The following LYG1 variants were observed in gnomAD, a reference collection of about 807,000 sequenced individuals.
LYG1 encodes lysozyme g1, also known as lysozyme g-like protein 1.
LYG1 carries 17 observed loss-of-function variants against 21.7 expected under a neutral mutation model. That is an observed-to-expected ratio of 0.78 (90% CI 0.54 to 1.18). The LOEUF (loss-of-function observed/expected upper bound fraction) is 1.18. LYG1 is among the 50% of genes most tolerant of loss of function. The probability of loss-of-function intolerance (pLI) is 0.00; values close to 1 mark genes in which losing one functional copy is unlikely to be tolerated. For missense variants in LYG1, 211 were observed against 238.1 expected (o/e 0.89, Z 0.75); for synonymous variants, 81 against 87.4 (o/e 0.93, Z 0.41).
intron 5 of LYG1, among the ~76,000 whole-genome samples, chr2:99,288,808 G>A (rs796538267): frequency 3.9e-5 from 6 of 152,160 alleles, no homozygotes; most frequent in African/African-American, 1.4e-4. Flanking sequence ...GACCTCAAAT[G>A]ATCCATCCGC....
intron 1 of LYG1, among the ~76,000 whole-genome samples, chr2:99,299,764 T>A (rs919753223): frequency 4.6e-5 from 7 of 151,822 alleles, no homozygotes; most frequent in Non-Finnish European, 7.4e-5. Flanking sequence ...TTAATTTTTT[T>A]AATTTTTGTT....
rs145590120 is a variant in LYG1, at chr2:99,291,778, C to A, written c.149-357G>T. ...AATGTGCCTGCCTATCAGCTGCAAC[C>A]TGACATGAAGGAGAAATTCTGCAAA... On this transcript the variant is annotated intron_variant, in intron 4 of 6. Coordinates refer to ENST00000308528, the MANE Select transcript of LYG1 (RefSeq NM_174898.3). 8.7e-4 allele frequency among the ~76,000 whole-genome samples: 133 copies of A among 152,370 alleles called. 1 individual carries two copies. Among genetic ancestry groups the A allele is most frequent in the African/African-American group, 2.5e-3 (105 of 41,590 alleles).
intron 5 of LYG1, among the ~76,000 whole-genome samples, chr2:99,288,191 G>C (rs2094107212): frequency 6.6e-6 from 1 of 151,948 alleles, no homozygotes; most frequent in South Asian, 2.1e-4. Context: ...GTATGTCCTG[G>C]ATAAATTCAA....
rs187556448 is a variant in LYG1, at chr2:99,297,846, C to T, written c.-33+613G>A. ...ACTCCCACCTTAGCCTCCCAAGTAG[C>T]TGGGGCTAGAGGTGTATGCCACCAT... On this transcript the variant is annotated intron_variant, in intron 2 of 6. Transcript: ENST00000308528. 1.1e-3 allele frequency among the ~76,000 whole-genome samples: 175 copies of T among 152,306 alleles called. 1 individual carries two copies. Among genetic ancestry groups the T allele is most frequent in the African/African-American group, 3.7e-3 (154 of 41,558 alleles).
chr2:99,288,500 C>T (rs1230932910), intron 5 of LYG1, among the ~76,000 whole-genome samples: 2 of 152,026 alleles, frequency 1.3e-5, no homozygotes, highest in African/African-American at 4.8e-5. Flanking sequence ...TTGCTACTAT[C>T]ATCTTAATTT....
intron 5 of LYG1, among the ~76,000 whole-genome samples, chr2:99,286,048 G>T (rs530212916): frequency 2.0e-5 from 3 of 152,180 alleles, no homozygotes; most frequent in South Asian, 2.1e-4. Context: ...TATCACAGGA[G>T]TGAGGCTGGT....
intron 3 of LYG1, among the ~76,000 whole-genome samples, chr2:99,295,027 G>A (rs547617499): frequency 3.9e-5 from 6 of 152,186 alleles, no homozygotes; most frequent in East Asian, 3.9e-4. Context: ...GCTTGAAACC[G>A]GAAGGCAGAT....
chr2:99,303,187 GTT>G (rs2105307158), upstream of LYG1, among the ~76,000 whole-genome samples: 1 of 152,194 alleles, frequency 6.6e-6, no homozygotes, highest in Admixed American at 6.5e-5. Flanking sequence ...TGTTGGCAGA[GTT>G]GGGGTAAAAA....
At chr2:99,304,279 T>A (rs951468512), upstream of LYG1, among the ~76,000 whole-genome samples, 9 of 152,116 alleles carry the variant, frequency 5.9e-5, no homozygotes, top group Non-Finnish European at 1.0e-4. Flanking sequence ...ATAAGTCTCA[T>A]GAGATCTGAT....
At chr2:99,289,516 C>G (rs1351449211) in intron 5 of LYG1, among the ~76,000 whole-genome samples, 1 of 151,644 alleles carries the variant, frequency 6.6e-6, no homozygotes, top group Non-Finnish European at 1.5e-5. Context: ...GGTGTTCTTG[C>G]CAAAGAAAAA....
chr2:99,291,332 A>C lies in LYG1; in HGVS notation c.238T>G (p.Cys80Gly). 1 of 1,613,564 alleles carries C rather than the reference A, an allele frequency of 6.2e-7. No individual in the cohort carries two copies. The highest frequency in any genetic ancestry group is 8.5e-7 in the Non-Finnish European group (1 of 1,179,646). Residue 80 changes from cysteine to glycine, a missense_variant, in exon 5 of 7, where the codon TGC (cysteine) becomes GGC (glycine). Physicochemically the swap from Cys to Gly is radical, Grantham distance 159. Transcript: ENST00000308528. ...PMMQTIGQKY[C>G]MDPAVIAGVL... is the part of the protein sequence containing the mutation. ...CCAGCGATCACGGCAGGATCCATGC[A>C]GTACTTTTGGCCAATGGTTTGCATC...
At position 99,298,466 on chromosome 2, in the gene LYG1, C is replaced by A. The variant is rs977705616; in HGVS notation, c.-40G>T. On this transcript the variant is annotated 5_prime_UTR_variant, in exon 2 of 7. Transcript: ENST00000308528. ...ACATCTTCCTCTACTCACCCTCTCTCCACTGAGTACTTTGGAATTCCCAAA... is the reference window on the plus strand; with the variant it reads ...ACATCTTCCTCTACTCACCCTCTCTACACTGAGTACTTTGGAATTCCCAAA... 1.3e-5 allele frequency: 2 copies of A among 152,248 alleles called. No individual in the cohort carries two copies. The highest frequency in any genetic ancestry group is 2.9e-5 in the Non-Finnish European group (2 of 68,078). The allele number at this position is 152,248 out of a possible 1,614,324, so 9.4% of individuals were successfully genotyped here.
intron 1 of LYG1, among the ~76,000 whole-genome samples, chr2:99,299,499 C>T (rs2105303254): frequency 6.6e-6 from 1 of 151,220 alleles, no homozygotes; most frequent in East Asian, 2.0e-4. Flanking sequence ...TCTCGGCTCA[C>T]TGCACCCTCG....
chr2:99,298,987 A>G (rs771342895), intron 1 of LYG1, among the ~76,000 whole-genome samples: 34 of 152,136 alleles, frequency 2.2e-4, no homozygotes, highest in Non-Finnish European at 4.4e-4. Flanking sequence ...GCTGGAGTGC[A>G]GTGGTGCGAT....
At chr2:99,289,795 TTCA>T (rs2094113063) in intron 5 of LYG1, among the ~76,000 whole-genome samples, 1 of 152,196 alleles carries the variant, frequency 6.6e-6, no homozygotes, top group Admixed American at 6.5e-5. Flanking sequence ...CCATGTAGGT[TTCA>T]TCATATTTGG....
chr2:99,284,813 CCAGGGTCCTG>C lies in LYG1; in HGVS notation c.334-3_340del. The C allele has an allele frequency of 6.2e-7, 1 of 1,612,728 alleles. No homozygotes were observed. The highest frequency in any genetic ancestry group is 8.5e-7 in the Non-Finnish European group (1 of 1,179,820). On this transcript the variant is annotated splice_acceptor_variant and splice_polypyrimidine_tract_variant and coding_sequence_variant and intron_variant, in exon 6 of 7. Coordinates refer to ENST00000308528, the MANE Select transcript of LYG1 (RefSeq NM_174898.3). LOFTEE classifies it high-confidence loss of function. ...AATCCAGGATGTGGGAGCTTGAGAG[CCAGGGTCCTG>C]CAGGGAAGGAGGCAGAGAAGAAGCC...
intron 1 of LYG1, among the ~76,000 whole-genome samples, 181 bp from the exon 2 acceptor site, chr2:99,298,730 A>G (rs1437717786): frequency 6.6e-6 from 1 of 152,022 alleles, no homozygotes. Context: ...CCCCTGCCCC[A>G]TTGTGGTGTC....
chr2:99,296,923 C>T (rs1047241671), intron 2 of LYG1, among the ~76,000 whole-genome samples: 2 of 152,104 alleles, frequency 1.3e-5, no homozygotes, highest in Non-Finnish European at 2.9e-5. Flanking sequence ...GAGGCTGAGG[C>T]AGGAGGACTG....
chr2:99,297,752 T>C (rs1461930556), intron 2 of LYG1, among the ~76,000 whole-genome samples: 1 of 152,202 alleles, frequency 6.6e-6, no homozygotes, highest in Non-Finnish European at 1.5e-5. Flanking sequence ...TTTTACTCTG[T>C]CACCCAGGCT....
Sources: allele counts gnomAD v4.1 joint callset (sites outside exome capture counted in the v4.1 genomes callset), GRCh38; gene constraint gnomAD v4.1.1; transcripts MANE v1.5; gene names NCBI Gene and HGNC (gene_info 2026-07-23, HGNC 2026-07-21).